PCDHGB6: variants seen among roughly 807,000 people sequenced by gnomAD.
The protein encoded by PCDHGB6 is protocadherin gamma subfamily B, 6.
PCDHGB6 carries 51 observed loss-of-function variants against 59.1 expected under a neutral mutation model. The ratio of observed to expected loss-of-function variants is 0.86; its 90% CI spans 0.69 to 1.09. PCDHGB6 has a LOEUF of 1.09. Among genes scored for constraint, PCDHGB6 ranks in the 50% least tolerant of loss-of-function variants. The pLI is 0.00. For synonymous variants in PCDHGB6, 466 were observed against 495.1 expected, an observed-to-expected ratio of 0.94 and a Z score of 0.78; for missense variants, 1,148 against 1,205.1, an observed-to-expected ratio of 0.95 and a Z score of 0.70.
rs762530904 is a variant in PCDHGB6, at chr5:141,422,966, C to T, written c.2418+12346C>T. The T allele has an allele frequency of 2.5e-6, 4 of 1,614,112 alleles. No individual in the cohort carries two copies. The East Asian group carries it at 8.9e-5, about 36-fold the overall frequency. ...GGCTCCACTGGCGTGGAGCTGGCGC[C>T]CCGCTCTGCGGAACCTGGCTACCTG... On this transcript the variant is annotated intron_variant, in intron 1 of 3. Coordinates refer to ENST00000520790, the MANE Select transcript of PCDHGB6 (RefSeq NM_018926.3).
intron 1 of PCDHGB6, among the ~76,000 whole-genome samples, chr5:141,457,444 G>T (rs1253183319): frequency 6.6e-6 from 1 of 152,134 alleles, no homozygotes; most frequent in African/African-American, 2.4e-5. Context: ...AGCTGCAGAA[G>T]ATCACCACTT....
intron 1 of PCDHGB6, chr5:141,420,119 T>C: frequency 6.2e-7 from 1 of 1,614,044 alleles, no homozygotes; most frequent in Non-Finnish European, 8.5e-7. Context: ...TGCCTATAAT[T>C]TTTGTGTGCC....
At position 141,511,622 on chromosome 5, in the gene PCDHGB6, A is replaced by G; in HGVS notation, c.*449A>G. 4.3e-6 allele frequency: 1 copy of G among 232,852 alleles called. No individual in the cohort carries two copies. The highest frequency in any genetic ancestry group is 8.7e-6 in the Non-Finnish European group (1 of 114,994). The allele number at this position is 232,852 out of a possible 1,614,324, so 14.4% of individuals were successfully genotyped here. A position where few individuals can be genotyped will look rare whatever the true frequency, so the allele number is the denominator to read the frequency against. On this transcript the variant is annotated 3_prime_UTR_variant, in exon 4 of 4. Transcript: ENST00000520790. ...AACCTACAAGCCTCCTAGTTCTGAA[A>G]AGTTGGAAGGGCATCATGACCTCTT...
In PCDHGB6 at chr5:141,408,271, T is replaced by A; in HGVS notation, c.69T>A (p.Pro23=). ...PRQVLFPLLL[P]LFYPTLSEPI... is the part of the protein sequence containing the mutation. ...AGGTGCTATTTCCTTTGCTGCTGCC[T>A]TTGTTCTACCCCACCCTGAGTGAGC... Residue 23 remains proline (P), a synonymous_variant, in exon 1 of 4, where the codon CCT becomes CCA. Coordinates refer to ENST00000520790, the MANE Select transcript of PCDHGB6 (RefSeq NM_018926.3). The A allele has an allele frequency of 1.4e-5, 23 of 1,610,976 alleles. No individual in the cohort carries two copies. The highest frequency in any genetic ancestry group is 1.9e-5 in the Non-Finnish European group (22 of 1,178,386).
chr5:141,409,529 G>A lies in PCDHGB6; in HGVS notation c.1327G>A (p.Ala443Thr). The A allele has an allele frequency of 6.2e-7, 1 of 1,613,962 alleles. No individual in the cohort carries two copies. The highest frequency in any genetic ancestry group is 1.6e-4 in the Middle Eastern group (1 of 6,062). The change falls in exon 1 of 4, where the codon GCT (alanine) becomes ACT (threonine). Residue 443 changes from alanine to threonine, a missense_variant. Ala to Thr is a moderately conservative substitution (Grantham distance 58, BLOSUM62 0). This residue lies in a region of PCDHGB6 where 549 missense variants were observed against 527.5 expected (regional missense o/e 1.04). Coordinates refer to ENST00000520790, the MANE Select transcript of PCDHGB6 (RefSeq NM_018926.3). ...SSSRSITLYV[A>T]DINDNAPVFD... Reference sequence around the variant, plus strand: ...CAGTAGAAGCATCACCTTGTATGTCGCTGACATCAACGACAACGCCCCAGT... The same window carrying A: ...CAGTAGAAGCATCACCTTGTATGTCACTGACATCAACGACAACGCCCCAGT...
In PCDHGB6 at chr5:141,408,857, G is replaced by T. The variant is rs372861749; in HGVS notation, c.655G>T (p.Asp219Tyr). 1.9e-5 allele frequency: 30 copies of T among 1,613,424 alleles called. No homozygotes were observed. Among genetic ancestry groups the T allele is most frequent in the Non-Finnish European group, 2.5e-5 (29 of 1,179,810 alleles). The part of the protein sequence containing the change: ...SLILTALDGG[D>Y]PPRSATAHIE... ...GATATTGACTGCCTTGGACGGAGGG[G>T]ACCCACCAAGAAGTGCCACCGCTCA... Residue 219 changes from aspartate to tyrosine, a missense_variant, in exon 1 of 4, where the codon GAC becomes TAC. Asp to Tyr is a radical substitution (Grantham distance 160). Coordinates refer to ENST00000520790, the MANE Select transcript of PCDHGB6 (RefSeq NM_018926.3).
intron 1 of PCDHGB6, chr5:141,427,995 G>T (rs1292989797): frequency 6.3e-7 from 1 of 1,599,590 alleles, no homozygotes; most frequent in Non-Finnish European, 8.6e-7. Flanking sequence ...CGATGGCTCC[G>T]CACTCTTCGA....
At position 141,410,204 on chromosome 5, in the gene PCDHGB6, T is replaced by C. The variant is rs1212919717; in HGVS notation, c.2002T>C (p.Leu668=). 11 of 1,613,954 alleles carry C rather than the reference T, an allele frequency of 6.8e-6. No homozygotes were observed. In the South Asian group the frequency reaches 9.9e-5, roughly 14 times the overall value. Reference sequence around the variant, plus strand: ...GCTTCATCTGGTCTTCGCAGACAACTTGCAAGAGATACTGCCAGACCTCAG... The same window carrying C: ...GCTTCATCTGGTCTTCGCAGACAACCTGCAAGAGATACTGCCAGACCTCAG... The part of the protein sequence containing the change: ...ATLHLVFADN[L]QEILPDLSDR... Residue 668 remains leucine, a synonymous_variant, in exon 1 of 4, where the codon TTG becomes CTG. Transcript: ENST00000520790.
chr5:141,498,807 C>G (rs113587634), intron 2 of PCDHGB6, among the ~76,000 whole-genome samples: 1 of 152,030 alleles, frequency 6.6e-6, no homozygotes, highest in Non-Finnish European at 1.5e-5. Flanking sequence ...GTGGTGCACA[C>G]CTGTAGTCCC....
Position 141,431,674 on chromosome 5 carries a change from G to T in PCDHGB6, c.2418+21054G>T. 6.2e-7 allele frequency: 1 copy of T among 1,614,234 alleles called. No homozygotes were observed. ...ATTCAGGGACAATATCAACAATAGG[G>T]GAGTTGGACCACGAGGAGTCAGGAT... is the stretch of plus-strand genomic sequence containing the variant. On this transcript the variant is annotated intron_variant, in intron 1 of 3. Transcript: ENST00000520790. This position sits in a 1 kb window ranked among gnomAD's most constrained non-coding sequence, Gnocchi z 4.8.
intron 1 of PCDHGB6, chr5:141,423,640 T>C: frequency 6.3e-7 from 1 of 1,597,848 alleles, no homozygotes; most frequent in Non-Finnish European, 8.5e-7. Flanking sequence ...TTTAGGCAAA[T>C]GTGACCCGAC....
Position 141,410,011 on chromosome 5 carries a change from G to A in PCDHGB6, c.1809G>A (p.Trp603Ter). ...ACGCCGACTCGGGACACAACGCCTGGCTGTCCTACCACGTGCTGCAGGCCA... is the reference window on the plus strand; with the variant it reads ...ACGCCGACTCGGGACACAACGCCTGACTGTCCTACCACGTGCTGCAGGCCA... ...AVDADSGHNAWLSYHVLQASE... is the reference protein window; with the variant it reads ...AVDADSGHNA The change falls in exon 1 of 4, where the codon TGG becomes TGA. Residue 603 changes from tryptophan (W) to a stop codon, truncating the protein, a stop_gained. Transcript: ENST00000520790. LOFTEE classifies it high-confidence loss of function. 1 of 1,613,302 alleles carries A rather than the reference G, an allele frequency of 6.2e-7. No individual in the cohort carries two copies. Among genetic ancestry groups the A allele is most frequent in the Non-Finnish European group, 8.5e-7 (1 of 1,179,814 alleles).
At chr5:141,496,630 T>C (rs2099770022) in intron 2 of PCDHGB6, among the ~76,000 whole-genome samples, 1 of 152,202 alleles carries the variant, frequency 6.6e-6, no homozygotes, top group Non-Finnish European at 1.5e-5. Context: ...TCAAAAGGCT[T>C]GGGCTGCCCT....
At chr5:141,480,695 C>T (rs2099523656) in intron 1 of PCDHGB6, among the ~76,000 whole-genome samples, 2 of 152,146 alleles carry the variant, frequency 1.3e-5, no homozygotes, top group African/African-American at 4.8e-5. Context: ...GAAACCCAGG[C>T]CACACCCCGA....
At position 141,486,027 on chromosome 5, in the gene PCDHGB6, C is replaced by A. The variant is rs2099623152; in HGVS notation, c.2419-8780C>A. 2 of 1,614,048 alleles carry A rather than the reference C, an allele frequency of 1.2e-6. No individual in the cohort carries two copies. Among genetic ancestry groups the A allele is most frequent in the African/African-American group, 2.7e-5 (2 of 74,912 alleles). On this transcript the variant is annotated intron_variant, in intron 1 of 3. Coordinates refer to ENST00000520790, the MANE Select transcript of PCDHGB6 (RefSeq NM_018926.3). The surrounding 1 kb of genome is among the most constrained non-coding windows in gnomAD (Gnocchi z 5.0). ...GTCACCTTTTATTTCAGTGGTCATA[C>A]CCCTGATCGTGTAAGAAACCTCTTT...
At chr5:141,415,094 A>G in intron 1 of PCDHGB6, 1 of 1,613,530 alleles carries the variant, frequency 6.2e-7, no homozygotes, top group Non-Finnish European at 8.5e-7. Flanking sequence ...CTGGACAGAG[A>G]CGCGCTCAAG....
In PCDHGB6 at chr5:141,490,935, G is replaced by A. The variant is rs1371144225; in HGVS notation, c.2419-3872G>A. On this transcript the variant is annotated intron_variant, in intron 1 of 3. Transcript: ENST00000520790. The surrounding 1 kb of genome is among the most constrained non-coding windows in gnomAD (Gnocchi z 5.4). ...AGAATGATAATGCCCCAGCTGTGCTGCACCCACGGCCAGACTGGGAACACT... is the reference window on the plus strand; with the variant it reads ...AGAATGATAATGCCCCAGCTGTGCTACACCCACGGCCAGACTGGGAACACT... 1.9e-6 allele frequency: 3 copies of A among 1,613,638 alleles called. No homozygotes were observed. The highest frequency in any genetic ancestry group is 2.2e-5 in the South Asian group (2 of 91,032).
chr5:141,489,348 G>T lies in PCDHGB6; in HGVS notation c.2419-5459G>T. On this transcript the variant is annotated intron_variant, in intron 1 of 3. Coordinates refer to ENST00000520790, the MANE Select transcript of PCDHGB6 (RefSeq NM_018926.3). The surrounding 1 kb of genome is among the most constrained non-coding windows in gnomAD (Gnocchi z 4.5). ...CTGGGCAGCTTCGTTACTCAGTGGT[G>T]GAGGAGTCTGAGCCGGGGACGCTGG... is the stretch of plus-strand genomic sequence containing the variant. 1 of 1,611,876 alleles carries T rather than the reference G, an allele frequency of 6.2e-7. No homozygotes were observed. The highest frequency in any genetic ancestry group is 8.5e-7 in the Non-Finnish European group (1 of 1,178,502).
chr5:141,431,215 CCCTCTACCCCACG>C lies in PCDHGB6; in HGVS notation c.2418+20599_2418+20611del. The C allele has an allele frequency of 6.2e-7, 1 of 1,614,184 alleles. No homozygotes were observed. Among genetic ancestry groups the C allele is most frequent in the Non-Finnish European group, 8.5e-7 (1 of 1,180,048 alleles). On this transcript the variant is annotated intron_variant, in intron 1 of 3. Transcript: ENST00000520790. The surrounding 1 kb of genome is among the most constrained non-coding windows in gnomAD (Gnocchi z 4.8). ...AAAATGCAGCCACTGAGATGCGGTT[CCCTCTACCCCACG>C]CCTGGGATCCGGATATCGGGAAGAA... is the stretch of plus-strand genomic sequence containing the variant.
Sources: gnomAD v4.1 joint callset for allele counts (sites outside exome capture counted in the v4.1 genomes callset) on GRCh38, gnomAD v4.1.1 for gene constraint, gnomAD v4.1.1 regional missense constraint, Gnocchi (gnomAD v3.1) non-coding constraint, MANE v1.5 for transcripts, NCBI Gene and HGNC (gene_info 2026-07-23, HGNC 2026-07-21) for gene names.